DGKI: variants seen among roughly 807,000 people sequenced by gnomAD.
DGKI encodes the protein DAG kinase iota.
Under a neutral mutation model 147.5 loss-of-function variants are expected in DGKI, and 55 were observed. The ratio of observed to expected loss-of-function variants is 0.37; its 90% CI spans 0.30 to 0.47. The LOEUF is 0.47. Ranked by LOEUF, DGKI falls within the 20% of genes least tolerant of loss-of-function variation. The pLI is 1.00. For missense variants in DGKI, 1,007 were observed against 1,323.8 expected (o/e 0.76, Z 3.71); for synonymous variants, 469 against 477.1 (o/e 0.98, Z 0.22).
At chr7:137,454,956 C>T (rs1042861410) in intron 27 of DGKI, 1 of 151,942 alleles carries the variant, frequency 6.6e-6, no homozygotes, top group African/African-American at 2.4e-5. Context: ...ATGAGAGCCA[C>T]GTTTAGTCTT....
intron 28 of DGKI, among the ~76,000 whole-genome samples, chr7:137,433,748 A>G (rs978939314): frequency 6.6e-6 from 1 of 152,244 alleles, no homozygotes; most frequent in African/African-American, 2.4e-5. Flanking sequence ...ATCTGTGGAA[A>G]TGAAATCTAT....
At chr7:137,652,679 C>G (rs1228219542) in intron 5 of DGKI, among the ~76,000 whole-genome samples, 1 of 142,046 alleles carries the variant, frequency 7.0e-6, no homozygotes, top group Non-Finnish European at 1.5e-5. Context: ...GAGAAGACAA[C>G]TGATGGGGAC....
intron 20 of DGKI, among the ~76,000 whole-genome samples, chr7:137,532,756 A>C (rs1288392150): frequency 2.6e-5 from 4 of 152,130 alleles, no homozygotes; most frequent in Non-Finnish European, 5.9e-5. Flanking sequence ...ACTGGGAGGA[A>C]ACCTTTCATT....
chr7:137,452,526 C>A (rs1814010856), intron 27 of DGKI, among the ~76,000 whole-genome samples: 2 of 152,226 alleles, frequency 1.3e-5, no homozygotes. Context: ...AACAAAGCAG[C>A]ACACGTATGT....
chr7:137,626,193 A>G (rs1387158506), intron 6 of DGKI, among the ~76,000 whole-genome samples: 1 of 152,092 alleles, frequency 6.6e-6, no homozygotes, highest in African/African-American at 2.4e-5. Flanking sequence ...GTGTCCTCCT[A>G]GTGAATCACT....
chr7:137,439,140 A>G (rs1052838120), intron 28 of DGKI, among the ~76,000 whole-genome samples: 2 of 152,202 alleles, frequency 1.3e-5, no homozygotes, highest in African/African-American at 4.8e-5. Flanking sequence ...CGTTTTGCTT[A>G]TTATTTAAAC....
chr7:137,646,629 T>C (rs1045872816), intron 5 of DGKI, among the ~76,000 whole-genome samples: 1 of 152,220 alleles, frequency 6.6e-6, no homozygotes, highest in Non-Finnish European at 1.5e-5. Flanking sequence ...AAGTACTCAT[T>C]GTTTTCTTTT....
intron 1 of DGKI, among the ~76,000 whole-genome samples, chr7:137,748,605 T>A (rs962963713): frequency 2.6e-5 from 4 of 152,178 alleles, no homozygotes; most frequent in Admixed American, 2.6e-4. Context: ...CCTCTTACAG[T>A]CTAGTATTAG....
intron 1 of DGKI, among the ~76,000 whole-genome samples, chr7:137,708,183 G>A (rs1794100639): frequency 6.6e-6 from 1 of 152,196 alleles, no homozygotes; most frequent in African/African-American, 2.4e-5. Context: ...CTAAGCATAT[G>A]TTCTAATGGA....
intron 28 of DGKI, among the ~76,000 whole-genome samples, chr7:137,426,690 AAAGG>A (rs1812821746): frequency 1.3e-5 from 2 of 151,932 alleles, no homozygotes; most frequent in Non-Finnish European, 2.9e-5. Context: ...GCTCAAAATA[AAAGG>A]ATGGAGGAAG....
At chr7:137,435,316 G>A (rs971551288) in intron 28 of DGKI, among the ~76,000 whole-genome samples, 2 of 152,190 alleles carry the variant, frequency 1.3e-5, no homozygotes, top group African/African-American at 2.4e-5. Flanking sequence ...GAAATCATGG[G>A]CATTTAAGTT....
intron 20 of DGKI, among the ~76,000 whole-genome samples, chr7:137,523,131 G>A (rs1309751767): frequency 3.9e-5 from 6 of 151,938 alleles, no homozygotes; most frequent in Non-Finnish European, 7.4e-5. Context: ...AGGAAAACAG[G>A]AAAGATAAGA....
intron 12 of DGKI, among the ~76,000 whole-genome samples, chr7:137,591,907 C>T (rs1485976616): frequency 6.6e-6 from 1 of 152,146 alleles, no homozygotes; most frequent in African/African-American, 2.4e-5. Flanking sequence ...CCTTCAGCTG[C>T]CATCAAATCA....
At chr7:137,630,994 G>A (rs28386845) in intron 6 of DGKI, among the ~76,000 whole-genome samples, 2,031 of 150,988 alleles carry the variant, frequency 0.013, 44 homozygotes, top group African/African-American at 0.044. Flanking sequence ...GGTTTTTTTT[G>A]AAAAAAAGAC....
chr7:137,618,292 C>G (rs1477015223), intron 8 of DGKI, among the ~76,000 whole-genome samples: 1 of 148,972 alleles, frequency 6.7e-6, no homozygotes, highest in Non-Finnish European at 1.5e-5. Context: ...CCCACACACC[C>G]TCTGCATAAA....
At chr7:137,466,678 A>G (rs1166624394) in intron 25 of DGKI, among the ~76,000 whole-genome samples, 1 of 152,166 alleles carries the variant, frequency 6.6e-6, no homozygotes, top group Non-Finnish European at 1.5e-5. Context: ...CTACAAGTCA[A>G]CTTATTTTCT....
chr7:137,807,138 T>C (rs1340074184), intron 1 of DGKI, among the ~76,000 whole-genome samples: 1 of 152,254 alleles, frequency 6.6e-6, no homozygotes, highest in Non-Finnish European at 1.5e-5. Context: ...GTCACAAGTC[T>C]ATCTGTGAAG....
chr7:137,497,106 T>C (rs1463338933), intron 21 of DGKI, among the ~76,000 whole-genome samples: 2 of 129,318 alleles, frequency 1.5e-5, no homozygotes, highest in African/African-American at 3.2e-5. Flanking sequence ...TAAACAAATT[T>C]ACAAAAAAAA....
intron 8 of DGKI, among the ~76,000 whole-genome samples, chr7:137,612,914 TAG>T (rs1304001781): frequency 1.3e-5 from 2 of 152,176 alleles, no homozygotes; most frequent in Non-Finnish European, 2.9e-5. Flanking sequence ...AGTCGCCCCC[TAG>T]ACATTCTGTG....
Sources: gnomAD v4.1 joint callset for allele counts (sites outside exome capture counted in the v4.1 genomes callset) on GRCh38, gnomAD v4.1.1 for gene constraint, MANE v1.5 for transcripts, NCBI Gene and HGNC (gene_info 2026-07-23, HGNC 2026-07-21) for gene names.